The following FBLN1 variants were observed in gnomAD, a reference collection of about 807,000 sequenced individuals.
FBLN1 encodes fibulin 1.
FBLN1 carries 34 observed loss-of-function variants against 89.7 expected under a neutral mutation model. That is an observed-to-expected ratio of 0.38 (90% CI 0.29 to 0.50). The LOEUF is 0.50. FBLN1 is among the 20% of genes least tolerant of loss of function. The pLI is 0.92. For synonymous variants in FBLN1, 393 were observed against 391.3 expected (o/e 1.00, Z -0.05); for missense variants, 777 against 988.1 (o/e 0.79, Z 2.86).
intron 1 of FBLN1, 56 bp from the exon 2 acceptor site, chr22:45,518,626 G>C: frequency 7.5e-7 from 1 of 1,337,826 alleles, no homozygotes; most frequent in East Asian, 2.5e-5. Flanking sequence ...ATCTGGGAGG[G>C]CCCTCCACCC....
intron 11 of FBLN1, among the ~76,000 whole-genome samples, chr22:45,544,173 G>A (rs570265156): frequency 6.7e-4 from 101 of 151,574 alleles, no homozygotes; most frequent in Non-Finnish European, 6.9e-4. Context: ...TGCAACCTCC[G>A]CCTCCCGGGT....
chr22:45,508,286 C>CTT (rs1350335831), intron 1 of FBLN1, among the ~76,000 whole-genome samples: 16 of 129,144 alleles, frequency 1.2e-4, no homozygotes, highest in African/African-American at 4.0e-4. Flanking sequence ...CCTCGCGTAT[C>CTT]TTTTTTTTTG....
intron 16 of FBLN1, among the ~76,000 whole-genome samples, chr22:45,584,563 G>A (rs1323338560): frequency 6.6e-6 from 1 of 152,214 alleles, no homozygotes; most frequent in African/African-American, 2.4e-5. Context: ...ACCTGTCTGA[G>A]CCTCAGCTTT....
chr22:45,544,772 T>C (rs901893842), intron 11 of FBLN1, among the ~76,000 whole-genome samples: 10 of 152,174 alleles, frequency 6.6e-5, no homozygotes, highest in Non-Finnish European at 1.2e-4. Flanking sequence ...ACAGAGTTGT[T>C]CCTGCCAACA....
intron 16 of FBLN1, among the ~76,000 whole-genome samples, chr22:45,592,481 C>T (rs1344061020): frequency 6.6e-6 from 1 of 152,134 alleles, no homozygotes; most frequent in East Asian, 1.9e-4. Context: ...GCGCCTGCCA[C>T]CATGCCCAGC....
intron 2 of FBLN1, among the ~76,000 whole-genome samples, chr22:45,519,896 G>T (rs751302425): frequency 2.0e-5 from 3 of 152,064 alleles, no homozygotes; most frequent in African/African-American, 7.2e-5. Flanking sequence ...TCACCCGGGC[G>T]CGGTGGCTCA....
rs1435780242 is a variant in FBLN1 at position 45,574,806 on chromosome 22, G to A, written c.1840+153G>A. Among the ~76,000 whole-genome samples the A allele has an allele frequency of 6.8e-6, 1 of 146,662 alleles. No individual in the cohort carries two copies. Among genetic ancestry groups the A allele is most frequent in the Non-Finnish European group, 1.5e-5 (1 of 66,840 alleles). Reference sequence around the variant, plus strand: ...TTTTTTTTTTTTTTTTTTTGAGACGGAGTCTCGCTCTGTCGCCCGGGCTGG... The same window carrying A: ...TTTTTTTTTTTTTTTTTTTGAGACGAAGTCTCGCTCTGTCGCCCGGGCTGG... On this transcript the variant is annotated intron_variant, in intron 15 of 16. Coordinates refer to ENST00000327858, the MANE Select transcript of FBLN1 (RefSeq NM_006486.3). The surrounding 1 kb of genome is among the most constrained non-coding windows in gnomAD (Gnocchi z 4.1).
At chr22:45,591,785 GCGCGCCA>G (rs2089138900) in intron 16 of FBLN1, among the ~76,000 whole-genome samples, 1 of 93,482 alleles carries the variant, frequency 1.1e-5, no homozygotes, top group African/African-American at 9.5e-5. Context: ...GAAGTGTCCT[GCGCGCCA>G]TTTTGCAGAC....
chr22:45,531,384 G>A lies in FBLN1; in HGVS notation c.544+60G>A. The stretch of plus-strand genomic sequence containing the variant: ...AAACAAACCCCAAGGGGCCAGCAAG[G>A]TGGCTCAGGCCTGTAATCCTAGTAC... On this transcript the variant is annotated intron_variant, in intron 5 of 16. Transcript: ENST00000327858. This position sits in a 1 kb window ranked among gnomAD's most constrained non-coding sequence, Gnocchi z 4.9. 5.5e-6 allele frequency: 8 copies of A among 1,464,910 alleles called. No individual in the cohort carries two copies. Among genetic ancestry groups the A allele is most frequent in the Non-Finnish European group, 7.7e-6 (8 of 1,044,894 alleles). 90.7% of individuals were successfully genotyped at this position (1,464,910 alleles called of 1,614,324 possible). A position where few individuals can be genotyped will look rare whatever the true frequency, so the allele number is the denominator to read the frequency against.
chr22:45,533,986 C>T lies in FBLN1; in HGVS notation c.784+88C>T, dbSNP rs9626374. 2,807 of 1,561,742 alleles carry T rather than the reference C, an allele frequency of 1.8e-3. 61 individuals are homozygous for T. In the African/African-American group the frequency reaches 0.035, roughly 19 times the overall value. On this transcript the variant is annotated intron_variant, in intron 7 of 16. Transcript: ENST00000327858. ...AGGGCAGCTCTGGGGTCTGGGCTCC[C>T]GCAGTCCTGCGCCCTCTGTGGCTGC...
At chr22:45,591,779 T>C (rs939424003) in intron 16 of FBLN1, among the ~76,000 whole-genome samples, 2 of 93,894 alleles carry the variant, frequency 2.1e-5, no homozygotes, top group Non-Finnish European at 3.8e-5. Flanking sequence ...AGTCGGGAAG[T>C]GTCCTGCGCG....
At chr22:45,548,538 A>G in intron 12 of FBLN1, 75 bp from the exon 13 acceptor site, 1 of 1,598,570 alleles carries the variant, frequency 6.3e-7, no homozygotes, top group Non-Finnish European at 8.5e-7. Context: ...TGCAGCCCCC[A>G]GGGCGATGTA....
chr22:45,592,137 G>A (rs139603910), intron 16 of FBLN1, among the ~76,000 whole-genome samples: 24 of 152,204 alleles, frequency 1.6e-4, no homozygotes, highest in East Asian at 3.9e-4. Context: ...TACTAGTAGC[G>A]CCTCATTTTT....
intron 16 of FBLN1, among the ~76,000 whole-genome samples, chr22:45,595,377 A>G (rs1198708529): frequency 6.6e-6 from 1 of 152,168 alleles, no homozygotes; most frequent in Non-Finnish European, 1.5e-5. Flanking sequence ...CCCTCGCAGC[A>G]TCCCTACTTG....
chr22:45,565,033 T>C (rs761851985), intron 14 of FBLN1: 1 of 1,611,730 alleles, frequency 6.2e-7, no homozygotes, highest in East Asian at 2.2e-5. Context: ...CTCCACACCT[T>C]GCGCTGAGCA....
At chr22:45,589,548 G>A (rs1375197238) in intron 16 of FBLN1, among the ~76,000 whole-genome samples, 1 of 152,204 alleles carries the variant, frequency 6.6e-6, no homozygotes, top group Admixed American at 6.5e-5. Flanking sequence ...GGGGCTCTGT[G>A]CCATGGCCCT....
intron 14 of FBLN1, among the ~76,000 whole-genome samples, chr22:45,553,746 AG>A (rs1404080305): frequency 6.6e-6 from 1 of 152,202 alleles, no homozygotes; most frequent in African/African-American, 2.4e-5. Flanking sequence ...GTGGGGTCGG[AG>A]GGGGAGCCTC....
intron 16 of FBLN1, among the ~76,000 whole-genome samples, chr22:45,591,708 TTCTC>T (rs2089137786): frequency 6.6e-6 from 1 of 152,324 alleles, no homozygotes. Context: ...TCTGATGCGA[TTCTC>T]TCTAATTGCT....
intron 7 of FBLN1, 99 bp downstream of exon 7, chr22:45,533,997 G>A (rs964339206): frequency 1.4e-4 from 207 of 1,523,134 alleles, no homozygotes; most frequent in Non-Finnish European, 1.8e-4. Context: ...GCAGTCCTGC[G>A]CCCTCTGTGG....
Sources: gnomAD v4.1 joint callset for allele counts (sites outside exome capture counted in the v4.1 genomes callset) on GRCh38, gnomAD v4.1.1 for gene constraint, Gnocchi (gnomAD v3.1) non-coding constraint, MANE v1.5 for transcripts, NCBI Gene and HGNC (gene_info 2026-07-23, HGNC 2026-07-21) for gene names.